The following FIP1L1 variants were observed in gnomAD, a reference collection of about 807,000 sequenced individuals.
The protein encoded by FIP1L1 is factor interacting with PAPOLA and CPSF1.
A neutral mutation model predicts 84.6 loss-of-function variants in FIP1L1; 21 were observed. The ratio of observed to expected loss-of-function variants is 0.25; its 90% CI spans 0.18 to 0.36. The LOEUF is 0.36. Ranked by LOEUF, FIP1L1 falls within the 10% of genes least tolerant of loss-of-function variation. The pLI is 1.00. For missense variants in FIP1L1, 526 were observed against 751.1 expected, an observed-to-expected ratio of 0.70 and a Z score of 3.50; for synonymous variants, 263 against 242.3, an observed-to-expected ratio of 1.09 and a Z score of -0.80.
chr4:53,425,759 G>A (rs1764077382), intron 11 of FIP1L1, 113 bp from the exon 12 acceptor site: 2 of 722,378 alleles, frequency 2.8e-6, no homozygotes, highest in Non-Finnish European at 4.6e-6. Context: ...TTGTGATCTG[G>A]TTTTATTTTA....
chr4:53,401,557 G>A (rs1385005202), intron 10 of FIP1L1, among the ~76,000 whole-genome samples: 1 of 152,210 alleles, frequency 6.6e-6, no homozygotes, highest in African/African-American at 2.4e-5. Flanking sequence ...ATGTTGAGAA[G>A]TAGTCAGATA....
rs543365825 is a variant in FIP1L1 at position 53,406,303 on chromosome 4, A to G, written c.815+6464A>G. 4.0e-4 allele frequency among the ~76,000 whole-genome samples: 61 copies of G among 152,232 alleles called. No homozygotes were observed. The South Asian group carries it at 0.011, about 28-fold the overall frequency. On this transcript the variant is annotated intron_variant, in intron 10 of 17. Transcript: ENST00000337488. Reference sequence around the variant, plus strand: ...TGTCTTTGGTTCTGTTTATATGCTGAATTACATTTATTGATTTTCGTATAT... The same window carrying G: ...TGTCTTTGGTTCTGTTTATATGCTGGATTACATTTATTGATTTTCGTATAT...
intron 11 of FIP1L1, among the ~76,000 whole-genome samples, chr4:53,422,425 TAGACTC>T (rs977167148): frequency 5.9e-5 from 9 of 152,012 alleles, no homozygotes; most frequent in Non-Finnish European, 1.2e-4. Flanking sequence ...TATTTTCTCT[TAGACTC>T]AGAGGAGAAT....
intron 13 of FIP1L1, among the ~76,000 whole-genome samples, chr4:53,439,586 A>AT (rs1056040831): frequency 6.6e-6 from 1 of 152,012 alleles, no homozygotes; most frequent in African/African-American, 2.4e-5. Flanking sequence ...AAATTAGATT[A>AT]TTTTTTGGAC....
chr4:53,412,134 A>ATAAC (rs760440157), intron 10 of FIP1L1, among the ~76,000 whole-genome samples: 13 of 152,192 alleles, frequency 8.5e-5, no homozygotes, highest in South Asian at 8.3e-4. Context: ...TTTCCAGTTA[A>ATAAC]TAACATTTTG....
intron 4 of FIP1L1, among the ~76,000 whole-genome samples, chr4:53,383,291 C>A (rs1193158386): frequency 1.3e-5 from 2 of 151,946 alleles, no homozygotes; most frequent in African/African-American, 4.8e-5. Context: ...CCTTTTTATC[C>A]TGTAGAACAT....
intron 12 of FIP1L1, among the ~76,000 whole-genome samples, chr4:53,426,707 T>C (rs1479308914): frequency 6.6e-6 from 1 of 152,304 alleles, no homozygotes; most frequent in South Asian, 2.1e-4. Flanking sequence ...TCTAAAATTA[T>C]CATTTGTATG....
chr4:53,408,866 C>G (rs1160098886), intron 10 of FIP1L1, among the ~76,000 whole-genome samples: 1 of 152,162 alleles, frequency 6.6e-6, no homozygotes, highest in African/African-American at 2.4e-5. Flanking sequence ...AAGCACTTCT[C>G]TGTATTGGTT....
intron 16 of FIP1L1, among the ~76,000 whole-genome samples, chr4:53,455,453 C>G (rs956388846): frequency 2.0e-5 from 3 of 151,976 alleles, no homozygotes; most frequent in Non-Finnish European, 4.4e-5. Flanking sequence ...GGCGTAGAGG[C>G]CATTGTAGGG....
At chr4:53,419,801 G>A (rs1450654514) in intron 11 of FIP1L1, among the ~76,000 whole-genome samples, 1 of 152,094 alleles carries the variant, frequency 6.6e-6, no homozygotes, top group African/African-American at 2.4e-5. Context: ...AGCTGTGAAA[G>A]CACCTATTTC....
chr4:53,385,591 G>A (rs1740568324), intron 5 of FIP1L1, among the ~76,000 whole-genome samples: 1 of 152,004 alleles, frequency 6.6e-6, no homozygotes, highest in South Asian at 2.1e-4. Flanking sequence ...AATGGTTATT[G>A]ACTAAATAAA....
In FIP1L1 at chr4:53,425,855, C is replaced by A. The variant is rs746776015; in HGVS notation, c.924-17C>A. Reference sequence around the variant, plus strand: ...CTAATTAGGTGAAACTGAATTGATTCAATTTTTATGTTACAGGAGATTACC... The same window carrying A: ...CTAATTAGGTGAAACTGAATTGATTAAATTTTTATGTTACAGGAGATTACC... On this transcript the variant is annotated splice_polypyrimidine_tract_variant and intron_variant, in intron 11 of 17. Transcript: ENST00000337488. 1.9e-6 allele frequency: 3 copies of A among 1,578,448 alleles called. No individual in the cohort carries two copies. The highest frequency in any genetic ancestry group is 1.7e-6 in the Non-Finnish European group (2 of 1,153,946).
chr4:53,445,558 T>G (rs1001947400), intron 15 of FIP1L1, among the ~76,000 whole-genome samples: 1 of 152,188 alleles, frequency 6.6e-6, no homozygotes, highest in African/African-American at 2.4e-5. Flanking sequence ...GAGCAATGAA[T>G]TTTTAGAGAA....
chr4:53,422,445 T>G (rs1480016332), intron 11 of FIP1L1, among the ~76,000 whole-genome samples: 1 of 151,986 alleles, frequency 6.6e-6, no homozygotes, highest in African/African-American at 2.4e-5. Context: ...GGAGAATCTT[T>G]TTCTGTTTAT....
intron 13 of FIP1L1, chr4:53,442,387 T>C (rs894282806): frequency 3.0e-6 from 1 of 336,100 alleles, no homozygotes; most frequent in African/African-American, 2.1e-5. Flanking sequence ...ACTTACAAAA[T>C]GGGCTGTGTG....
intron 11 of FIP1L1, among the ~76,000 whole-genome samples, chr4:53,419,937 G>C (rs943013240): frequency 1.3e-5 from 2 of 151,736 alleles, no homozygotes; most frequent in Admixed American, 6.6e-5. Context: ...GGCCAGGCGC[G>C]GTGGCTCACG....
At chr4:53,428,215 A>C in intron 13 of FIP1L1, 32 bp downstream of exon 13, 1 of 1,499,500 alleles carries the variant, frequency 6.7e-7, no homozygotes, top group South Asian at 1.4e-5. Context: ...TGACTTTGAA[A>C]GAAAAATAGC....
At chr4:53,380,195 A>G (rs1259117826) in intron 3 of FIP1L1, among the ~76,000 whole-genome samples, 3 of 152,212 alleles carry the variant, frequency 2.0e-5, no homozygotes, top group Non-Finnish European at 4.4e-5. Context: ...TCATAGCAGC[A>G]TTATTCTTAA....
At position 53,425,883 on chromosome 4, in the gene FIP1L1, G is replaced by C; in HGVS notation, c.935G>C (p.Gly312Ala). ...TTTTTATGTTACAGGAGATTACCTG[G>C]GGCAATTGATGTTATCGGTCAGACT... ...AESPDLRRLP[G>A]AIDVIGQTIT... is the part of the protein sequence containing the mutation. The change falls in exon 12 of 18, where the codon GGG becomes GCG. Residue 312 changes from glycine to alanine, a missense_variant. By Grantham distance (60) the Gly-to-Ala change is moderately conservative. This residue lies in a region of FIP1L1 where 80 missense variants were observed against 151.1 expected (regional missense o/e 0.53). Transcript: ENST00000337488. 6.2e-7 allele frequency: 1 copy of C among 1,609,326 alleles called. No homozygotes were observed. The highest frequency in any genetic ancestry group is 8.5e-7 in the Non-Finnish European group (1 of 1,176,920).
Sources: allele counts gnomAD v4.1 joint callset (sites outside exome capture counted in the v4.1 genomes callset), GRCh38; gene constraint gnomAD v4.1.1; regional missense constraint gnomAD v4.1.1; transcripts MANE v1.5; gene names NCBI Gene and HGNC (gene_info 2026-07-23, HGNC 2026-07-21).